CAAP1: variants seen among roughly 807,000 people sequenced by gnomAD.
The protein encoded by CAAP1 is conserved anti-apoptotic protein.
In CAAP1, 20 loss-of-function variants were observed where a neutral mutation model predicts 34.0. The observed-to-expected ratio is 0.59, with a 90% CI of 0.41 to 0.86. The LOEUF is 0.86. Among genes scored for constraint, CAAP1 ranks in the 40% least tolerant of loss-of-function variants. CAAP1 has a pLI of 0.00. For missense variants in CAAP1, 538 were observed against 450.5 expected (o/e 1.19, Z -1.76); for synonymous variants, 213 against 166.7 (o/e 1.28, Z -2.14).
intron 4 of CAAP1, among the ~76,000 whole-genome samples, chr9:26,864,704 A>G (rs934811488): frequency 6.6e-6 from 1 of 152,192 alleles, no homozygotes; most frequent in African/African-American, 2.4e-5. Flanking sequence ...TGAGTATAGT[A>G]TCTCTTCTTT....
intron 4 of CAAP1, among the ~76,000 whole-genome samples, chr9:26,875,646 C>G (rs1420070555): frequency 6.6e-6 from 1 of 152,074 alleles, no homozygotes; most frequent in African/African-American, 2.4e-5. Flanking sequence ...CCCCTTCAAT[C>G]AGAGTCTCAT....
chr9:26,884,747 T>A, intron 4 of CAAP1, 63 bp downstream of exon 4: 2 of 1,100,086 alleles, frequency 1.8e-6, no homozygotes, highest in South Asian at 1.3e-5. Flanking sequence ...ATCTTTGACA[T>A]AAGAAATCAC....
At chr9:26,867,269 T>A (rs1823162580) in intron 4 of CAAP1, among the ~76,000 whole-genome samples, 1 of 152,220 alleles carries the variant, frequency 6.6e-6, no homozygotes, top group Admixed American at 6.5e-5. Flanking sequence ...CCCTTTCTTC[T>A]ATCTCCAAAG....
intron 4 of CAAP1, chr9:26,880,186 G>T: frequency 3.3e-6 from 1 of 305,764 alleles, no homozygotes; most frequent in East Asian, 1.2e-4. Context: ...GTGTCTTTTG[G>T]CATAATTGTT....
At chr9:26,874,781 T>C (rs1349365630) in intron 4 of CAAP1, among the ~76,000 whole-genome samples, 1 of 152,132 alleles carries the variant, frequency 6.6e-6, no homozygotes. Context: ...TCTTAAGGTA[T>C]GGTAAGAGTA....
chr9:26,867,470 TC>T (rs1823166690), intron 4 of CAAP1, among the ~76,000 whole-genome samples: 1 of 152,082 alleles, frequency 6.6e-6, no homozygotes, highest in South Asian at 2.1e-4. Flanking sequence ...ATATCTGTAG[TC>T]CCTTTTGCTA....
chr9:26,889,310 C>A (rs1015449758), intron 1 of CAAP1, among the ~76,000 whole-genome samples: 2 of 151,840 alleles, frequency 1.3e-5, no homozygotes, highest in African/African-American at 2.4e-5. Flanking sequence ...CCCAACTACT[C>A]GGGAGGCTGA....
At chr9:26,882,223 A>C (rs1471569637) in intron 4 of CAAP1, among the ~76,000 whole-genome samples, 2 of 152,254 alleles carry the variant, frequency 1.3e-5, no homozygotes, top group African/African-American at 4.8e-5. Context: ...TTGCATAAGT[A>C]ACGAGCAGCC....
intron 5 of CAAP1, among the ~76,000 whole-genome samples, chr9:26,855,035 A>G (rs1822834738): frequency 6.6e-6 from 1 of 152,236 alleles, no homozygotes; most frequent in Admixed American, 6.5e-5. Flanking sequence ...AGTTATGTCC[A>G]CACAAAAACC....
rs189022308 is a variant in CAAP1, at chr9:26,891,335, T to A, written c.303+1078A>T. ...TGACCCACTAGTCTGGCAATTTTTTTAAAAAATGCCATCAAAATGTCATCA... is the reference window on the plus strand; with the variant it reads ...TGACCCACTAGTCTGGCAATTTTTTAAAAAAATGCCATCAAAATGTCATCA... On this transcript the variant is annotated intron_variant, in intron 1 of 5. Coordinates refer to ENST00000333916, the MANE Select transcript of CAAP1 (RefSeq NM_024828.4). 9.1e-4 allele frequency among the ~76,000 whole-genome samples: 138 copies of A among 152,312 alleles called. No individual in the cohort carries two copies. The East Asian group carries it at 0.011, about 12-fold the overall frequency.
intron 5 of CAAP1, among the ~76,000 whole-genome samples, chr9:26,844,919 G>C (rs940985230): frequency 6.6e-6 from 1 of 152,162 alleles, no homozygotes; most frequent in African/African-American, 2.4e-5. Flanking sequence ...AGCCCTTTCA[G>C]GGTGACGGCC....
At chr9:26,868,334 G>T (rs1823188686) in intron 4 of CAAP1, among the ~76,000 whole-genome samples, 1 of 152,148 alleles carries the variant, frequency 6.6e-6, no homozygotes, top group Non-Finnish European at 1.5e-5. Flanking sequence ...GTCAGAGTTA[G>T]AAGAAATGGC....
At chr9:26,865,709 T>C (rs1823120510) in intron 4 of CAAP1, among the ~76,000 whole-genome samples, 2 of 152,204 alleles carry the variant, frequency 1.3e-5, no homozygotes, top group South Asian at 4.1e-4. Context: ...TGGCAAGTAC[T>C]AATTCTAAAG....
intron 4 of CAAP1, among the ~76,000 whole-genome samples, chr9:26,882,882 G>A (rs557665106): frequency 6.6e-6 from 1 of 152,298 alleles, no homozygotes; most frequent in South Asian, 2.1e-4. Context: ...TCATTTTGGA[G>A]CTTTAAAATT....
intron 4 of CAAP1, among the ~76,000 whole-genome samples, chr9:26,875,703 G>C (rs1823411770): frequency 6.6e-6 from 1 of 151,940 alleles, no homozygotes; most frequent in Non-Finnish European, 1.5e-5. Flanking sequence ...TGAAGTACTA[G>C]GTAGTGCACT....
chr9:26,875,107 T>A (rs913304170), intron 4 of CAAP1, among the ~76,000 whole-genome samples: 1 of 152,184 alleles, frequency 6.6e-6, no homozygotes, highest in Non-Finnish European at 1.5e-5. Context: ...TGATGTTATG[T>A]CTCTTTCTAA....
intron 5 of CAAP1, among the ~76,000 whole-genome samples, chr9:26,852,791 G>A (rs1207114339): frequency 1.3e-5 from 2 of 151,686 alleles, no homozygotes; most frequent in Non-Finnish European, 2.9e-5. Flanking sequence ...GAAGGTTTAC[G>A]AGCTCTGGAA....
At chr9:26,891,268 C>T (rs1423362365) in intron 1 of CAAP1, among the ~76,000 whole-genome samples, 1 of 151,964 alleles carries the variant, frequency 6.6e-6, no homozygotes, top group Non-Finnish European at 1.5e-5. Context: ...AATGTTCAAT[C>T]TCACTAATAA....
In CAAP1 at chr9:26,886,089, A is replaced by G. The variant is rs752770852; in HGVS notation, c.589+15T>C. ...AACTAAGAAGTTGCCAGAATGTAAA[A>G]ATATGTATTCTTACCCTCAAGAATC... On this transcript the variant is annotated intron_variant, in intron 3 of 5. Transcript: ENST00000333916. 7.2e-7 allele frequency: 1 copy of G among 1,395,004 alleles called. No homozygotes were observed. Among genetic ancestry groups the G allele is most frequent in the Non-Finnish European group, 9.8e-7 (1 of 1,022,998 alleles). 86.4% of individuals were successfully genotyped at this position (1,395,004 alleles called of 1,614,324 possible).
Sources: gnomAD v4.1 joint callset for allele counts (sites outside exome capture counted in the v4.1 genomes callset) on GRCh38, gnomAD v4.1.1 for gene constraint, MANE v1.5 for transcripts, NCBI Gene and HGNC (gene_info 2026-07-23, HGNC 2026-07-21) for gene names.